OSBPL1A: variants seen among roughly 807,000 people sequenced by gnomAD.
The protein encoded by OSBPL1A is oxysterol binding protein like 1A, also known as oxysterol-binding protein-related protein 1.
A neutral mutation model predicts 137.1 loss-of-function variants in OSBPL1A; 80 were observed. The observed-to-expected ratio is 0.58, with a 90% CI of 0.49 to 0.70. OSBPL1A has a LOEUF of 0.70. OSBPL1A is among the 30% of genes least tolerant of loss of function. OSBPL1A has a pLI of 0.00. For synonymous variants in OSBPL1A, 365 were observed against 389.7 expected, an observed-to-expected ratio of 0.94 and a Z score of 0.75; for missense variants, 970 against 1,129.4, an observed-to-expected ratio of 0.86 and a Z score of 2.02.
chr18:24,379,964 C>T (rs73396213), intron 1 of OSBPL1A, among the ~76,000 whole-genome samples: 2,507 of 152,236 alleles, frequency 0.016, 72 homozygotes, highest in African/African-American at 0.057. Context: ...CAAAATAGAA[C>T]CTATGAAAGC....
At chr18:24,273,010 A>T (rs982704443) in intron 15 of OSBPL1A, among the ~76,000 whole-genome samples, 5 of 152,080 alleles carry the variant, frequency 3.3e-5, no homozygotes, top group African/African-American at 1.2e-4. Flanking sequence ...GGTTCAAGTG[A>T]TTCTCGTGCC....
chr18:24,352,333 C>G (rs2091454384), intron 4 of OSBPL1A, among the ~76,000 whole-genome samples: 1 of 151,680 alleles, frequency 6.6e-6, no homozygotes, highest in African/African-American at 2.4e-5. Flanking sequence ...ATGGGAGAGA[C>G]AAAGAGCAGA....
At chr18:24,179,281 C>A (rs961673467) in intron 20 of OSBPL1A, 1 of 162,402 alleles carries the variant, frequency 6.2e-6, no homozygotes, top group Non-Finnish European at 1.3e-5. Flanking sequence ...TAGGCCTGTG[C>A]CACCACAACC....
intron 18 of OSBPL1A, among the ~76,000 whole-genome samples, chr18:24,187,429 G>GA (rs1352670925): frequency 6.6e-6 from 1 of 151,970 alleles, no homozygotes; most frequent in Non-Finnish European, 1.5e-5. Flanking sequence ...AAACCAAGGG[G>GA]AAAAAAATGA....
chr18:24,194,017 T>C (rs2086959829), intron 18 of OSBPL1A, among the ~76,000 whole-genome samples: 1 of 152,220 alleles, frequency 6.6e-6, no homozygotes, highest in Admixed American at 6.5e-5. Context: ...TAGTCTCGAT[T>C]TGGACGTAAA....
At chr18:24,191,629 T>C (rs371871798) in intron 18 of OSBPL1A, among the ~76,000 whole-genome samples, 105 of 152,366 alleles carry the variant, frequency 6.9e-4, no homozygotes, top group African/African-American at 2.4e-3. Context: ...CCTTTAGTAC[T>C]AAAGTCTTAT....
intron 12 of OSBPL1A, among the ~76,000 whole-genome samples, chr18:24,313,122 T>C (rs1056098880): frequency 2.0e-5 from 3 of 148,948 alleles, no homozygotes; most frequent in African/African-American, 7.5e-5. Context: ...AGGGAGGCTC[T>C]ATCTCTAAAT....
chr18:24,201,571 T>C (rs1021769513), intron 17 of OSBPL1A, among the ~76,000 whole-genome samples: 2 of 152,130 alleles, frequency 1.3e-5, no homozygotes, highest in Admixed American at 1.3e-4. Flanking sequence ...GAGACCAGCC[T>C]GGCCAACATG....
At chr18:24,310,679 T>C (rs1165482964) in intron 13 of OSBPL1A, among the ~76,000 whole-genome samples, 1 of 151,866 alleles carries the variant, frequency 6.6e-6, no homozygotes, top group African/African-American at 2.4e-5. Flanking sequence ...GCTTTTATTT[T>C]ACCTGTAACT....
intron 14 of OSBPL1A, among the ~76,000 whole-genome samples, chr18:24,292,552 GGAGA>G (rs1568005450): frequency 6.6e-6 from 1 of 152,042 alleles, no homozygotes; most frequent in Non-Finnish European, 1.5e-5. Context: ...GCGAGAGAGA[GGAGA>G]GAGAGACCCC....
chr18:24,213,625 G>C (rs1383040758), intron 17 of OSBPL1A, among the ~76,000 whole-genome samples: 1 of 152,030 alleles, frequency 6.6e-6, no homozygotes, highest in African/African-American at 2.4e-5. Flanking sequence ...ATTTAATTTT[G>C]CTAATATTTC....
chr18:24,318,630 A>G lies in OSBPL1A; in HGVS notation c.703T>C (p.Leu235=), dbSNP rs761546577. Residue 235 remains leucine (L), a synonymous_variant, in exon 9 of 28, where the codon TTG becomes CTG. Transcript: ENST00000319481. ...LVGNKVIYKA[L]KRYEGPLWKS... ...CAGAGAGGGCCCTCATATCGTTTCA[A>G]TGCTTTGTAGATGACCTGTCAAAAA... 1 of 1,610,486 alleles carries G rather than the reference A, an allele frequency of 6.2e-7. No homozygotes were observed. Among genetic ancestry groups the G allele is most frequent in the Admixed American group, 1.7e-5 (1 of 59,830 alleles).
chr18:24,275,493 G>A (rs939304626), intron 15 of OSBPL1A, among the ~76,000 whole-genome samples: 1 of 152,114 alleles, frequency 6.6e-6, no homozygotes, highest in African/African-American at 2.4e-5. Flanking sequence ...AAGAACATTA[G>A]GGAACAAAAG....
intron 17 of OSBPL1A, among the ~76,000 whole-genome samples, chr18:24,220,685 T>C (rs929231610): frequency 6.6e-6 from 1 of 152,018 alleles, no homozygotes; most frequent in South Asian, 2.1e-4. Context: ...ATAGACAGAG[T>C]ATTTTTCTAC....
intron 15 of OSBPL1A, among the ~76,000 whole-genome samples, chr18:24,268,420 C>T (rs1225243165): frequency 6.6e-6 from 1 of 152,170 alleles, no homozygotes; most frequent in Admixed American, 6.6e-5. Flanking sequence ...GCACCTGGCC[C>T]TATATGAAGC....
intron 15 of OSBPL1A, among the ~76,000 whole-genome samples, chr18:24,270,490 G>C (rs1398818087): frequency 6.6e-6 from 1 of 152,112 alleles, no homozygotes; most frequent in East Asian, 1.9e-4. Context: ...TTTAAAGAGG[G>C]GAGACTAGAG....
intron 5 of OSBPL1A, among the ~76,000 whole-genome samples, chr18:24,338,740 G>C (rs2091223949): frequency 6.6e-6 from 1 of 152,044 alleles, no homozygotes; most frequent in South Asian, 2.1e-4. Context: ...TTGAGACGGA[G>C]TCTCACTCTG....
chr18:24,311,384 A>G (rs2090617446), intron 13 of OSBPL1A: 1 of 755,480 alleles, frequency 1.3e-6, no homozygotes, highest in South Asian at 6.0e-5. Context: ...TCTTTTAGAC[A>G]CAAGATGGAA....
At chr18:24,359,733 G>T (rs993966247) in intron 4 of OSBPL1A, among the ~76,000 whole-genome samples, 1 of 151,824 alleles carries the variant, frequency 6.6e-6, no homozygotes, top group Non-Finnish European at 1.5e-5. Context: ...CTGCTAAAAG[G>T]TCAGTGCAAC....
Sources: gnomAD v4.1 joint callset for allele counts (sites outside exome capture counted in the v4.1 genomes callset) on GRCh38, gnomAD v4.1.1 for gene constraint, MANE v1.5 for transcripts, NCBI Gene and HGNC (gene_info 2026-07-23, HGNC 2026-07-21) for gene names.